Variants in HIVEP3 observed in about 807,000 individuals in gnomAD.
HIVEP3 encodes HIVEP zinc finger 3.
In HIVEP3, 49 loss-of-function variants were observed where a neutral mutation model predicts 152.8. The ratio of observed to expected loss-of-function variants is 0.32; its 90% CI spans 0.26 to 0.41. HIVEP3 has a LOEUF of 0.41. HIVEP3 is among the 10% of genes least tolerant of loss of function. The pLI, the probability that HIVEP3 is intolerant of heterozygous loss-of-function variation, is 1.00. For missense variants in HIVEP3, 2,790 were observed against 3,103.3 expected (o/e 0.90, Z 2.40); for synonymous variants, 1,269 against 1,289.0 (o/e 0.98, Z 0.33).
At chr1:41,571,641 G>T (rs1223321139) in intron 5 of HIVEP3, among the ~76,000 whole-genome samples, 1 of 152,222 alleles carries the variant, frequency 6.6e-6, no homozygotes, top group Non-Finnish European at 1.5e-5. Context: ...TATGACAGAA[G>T]TAACACAAAG....
In HIVEP3 at chr1:41,911,770, T is replaced by C. The variant is rs865811280; in HGVS notation, c.-801+6643A>G. On this transcript the variant is annotated intron_variant, in intron 1 of 8. Coordinates refer to ENST00000372583, the MANE Select transcript of HIVEP3 (RefSeq NM_024503.5). ...TGTGAATGAATCCAGGACGAAACAT[T>C]TAACAACCAGTTGGTACAGAGTCCA... is the stretch of plus-strand genomic sequence containing the variant. Among the ~76,000 whole-genome samples the C allele has an allele frequency of 3.9e-5, 6 of 152,158 alleles. No individual in the cohort carries two copies. The South Asian group carries it at 8.3e-4, about 21-fold the overall frequency.
intron 1 of HIVEP3, among the ~76,000 whole-genome samples, chr1:42,030,968 T>C (rs988904325): frequency 3.9e-5 from 6 of 152,166 alleles, no homozygotes; most frequent in Non-Finnish European, 8.8e-5. Flanking sequence ...AAACCAAGTG[T>C]TCTTCACCAT....
intron 1 of HIVEP3, among the ~76,000 whole-genome samples, chr1:42,016,271 T>C (rs1645522127): frequency 6.6e-6 from 1 of 152,122 alleles, no homozygotes; most frequent in African/African-American, 2.4e-5. Context: ...ACAAACGAAA[T>C]GCAGGGTGCA....
At chr1:41,589,336 C>T (rs77238383) in intron 3 of HIVEP3, among the ~76,000 whole-genome samples, 1 of 152,198 alleles carries the variant, frequency 6.6e-6, no homozygotes, top group Non-Finnish European at 1.5e-5. Flanking sequence ...GCTTCAGCAG[C>T]CAACTGGTTA....
chr1:41,995,765 G>A (rs1488321785), intron 1 of HIVEP3, among the ~76,000 whole-genome samples: 1 of 152,166 alleles, frequency 6.6e-6, no homozygotes, highest in Admixed American at 6.5e-5. Flanking sequence ...GTATTTTGAA[G>A]TAATTTTAGA....
intron 5 of HIVEP3, among the ~76,000 whole-genome samples, chr1:41,545,074 A>ACCTCTACCACCAC (rs1569847734): frequency 2.7e-5 from 2 of 73,302 alleles, no homozygotes; most frequent in Non-Finnish European, 2.8e-5. Context: ...ACCACCACCA[A>ACCTCTACCACCAC]CATCACCACC....
At chr1:41,863,495 C>G (rs1414634926) in intron 1 of HIVEP3, among the ~76,000 whole-genome samples, 3 of 152,162 alleles carry the variant, frequency 2.0e-5, no homozygotes, top group Admixed American at 2.0e-4. Flanking sequence ...ATACCATGTG[C>G]CAGTTCAGGG....
intron 1 of HIVEP3, among the ~76,000 whole-genome samples, chr1:41,881,493 T>A (rs184017225): frequency 1.3e-5 from 2 of 152,384 alleles, no homozygotes; most frequent in African/African-American, 4.8e-5. Context: ...ATATGCTGAT[T>A]AGTCAAATTT....
At chr1:41,631,061 A>T (rs1330191699) in intron 2 of HIVEP3, among the ~76,000 whole-genome samples, 1 of 152,214 alleles carries the variant, frequency 6.6e-6, no homozygotes, top group Non-Finnish European at 1.5e-5. Context: ...TGTTGTAAGG[A>T]TCAAATAAGG....
At chr1:41,938,313 T>C (rs533025394) in intron 1 of HIVEP3, among the ~76,000 whole-genome samples, 2 of 152,298 alleles carry the variant, frequency 1.3e-5, no homozygotes, top group Non-Finnish European at 2.9e-5. Flanking sequence ...TACCATACCG[T>C]GCATCAATGC....
intron 5 of HIVEP3, among the ~76,000 whole-genome samples, chr1:41,560,778 C>A (rs138259948): frequency 3.9e-5 from 6 of 152,314 alleles, no homozygotes; most frequent in African/African-American, 1.4e-4. Context: ...CCTCTGAGGC[C>A]AGAGCACCCT....
At chr1:41,691,106 T>C (rs1368308483) in intron 2 of HIVEP3, among the ~76,000 whole-genome samples, 2 of 152,192 alleles carry the variant, frequency 1.3e-5, no homozygotes, top group Admixed American at 1.3e-4. Context: ...AAGACTCCAT[T>C]ACATGAATTA....
chr1:41,609,560 AC>A (rs1476765728), intron 3 of HIVEP3, among the ~76,000 whole-genome samples: 1 of 152,192 alleles, frequency 6.6e-6, no homozygotes, highest in Non-Finnish European at 1.5e-5. Context: ...AAAGGGTTCC[AC>A]CCCATCCTCT....
Position 41,510,668 on chromosome 1 carries a change from G to T in HIVEP3, c.7004C>A (p.Pro2335Gln). 1 of 1,524,738 alleles carries T rather than the reference G, an allele frequency of 6.6e-7. No individual in the cohort carries two copies. 94.5% of individuals were successfully genotyped at this position (1,524,738 alleles called of 1,614,324 possible). A position where few individuals can be genotyped will look rare whatever the true frequency, so the allele number is the denominator to read the frequency against. The change falls in exon 9 of 9, where the codon CCG (proline) becomes CAG (glutamine). Residue 2335 changes from proline to glutamine, a missense_variant. Transcript: ENST00000372583. ...AQSWSPRLES[P>Q]RAPTNPEPSA... Reference sequence around the variant, plus strand: ...AGGCTCGGGGTTGGTCGGTGCACGCGGGGACTCCAAGCGGGGGCTCCAGGA... The same window carrying T: ...AGGCTCGGGGTTGGTCGGTGCACGCTGGGACTCCAAGCGGGGGCTCCAGGA...
intron 1 of HIVEP3, among the ~76,000 whole-genome samples, chr1:41,836,626 A>T (rs994556706): frequency 3.9e-5 from 6 of 152,198 alleles, no homozygotes; most frequent in Non-Finnish European, 7.4e-5. Context: ...CTCCAAACTT[A>T]CTGGGTCTCA....
intron 1 of HIVEP3, among the ~76,000 whole-genome samples, chr1:41,718,791 C>CGT (rs1398271778): frequency 4.7e-5 from 7 of 148,958 alleles, no homozygotes; most frequent in African/African-American, 1.8e-4. Context: ...CACACACACA[C>CGT]ACACACGTGC....
chr1:41,513,079 G>C lies in HIVEP3; in HGVS notation c.6142C>G (p.Arg2048Gly), dbSNP rs201418815. Residue 2048 changes from arginine to glycine, a missense_variant, in exon 8 of 9, where the codon CGA (arginine) becomes GGA (glycine). Around this residue, in one of 9 missense-constraint regions of HIVEP3, gnomAD observed 816 missense variants for 806.5 expected, o/e 1.01. Coordinates refer to ENST00000372583, the MANE Select transcript of HIVEP3 (RefSeq NM_024503.5). ...TCGAGTTTGGAGAGCACATGTGCTCGAGGGGCCAGTTCTCTTCCCAGGGGG... is the reference window on the plus strand; with the variant it reads ...TCGAGTTTGGAGAGCACATGTGCTCCAGGGGCCAGTTCTCTTCCCAGGGGG... ...LCPLGRELAPRAHVLSKLEGT... is the reference protein window; with the variant it reads ...LCPLGRELAPGAHVLSKLEGT... 45 of 1,613,830 alleles carry C rather than the reference G, an allele frequency of 2.8e-5. No homozygotes were observed. The highest frequency in any genetic ancestry group is 4.0e-5 in the African/African-American group (3 of 74,938).
chr1:41,825,615 A>G (rs917823825), intron 1 of HIVEP3, among the ~76,000 whole-genome samples: 3 of 151,744 alleles, frequency 2.0e-5, no homozygotes, highest in African/African-American at 7.3e-5. Context: ...CTCACTATAT[A>G]TATTTTTTGA....
chr1:41,838,843 G>A (rs1014840910), intron 1 of HIVEP3, among the ~76,000 whole-genome samples: 2 of 152,114 alleles, frequency 1.3e-5, no homozygotes, highest in African/African-American at 4.8e-5. Flanking sequence ...GATTACCTAC[G>A]AATCTCAGTC....
Sources: gnomAD v4.1 joint callset for allele counts (sites outside exome capture counted in the v4.1 genomes callset) on GRCh38, gnomAD v4.1.1 for gene constraint, gnomAD v4.1.1 regional missense constraint, MANE v1.5 for transcripts, NCBI Gene and HGNC (gene_info 2026-07-23, HGNC 2026-07-21) for gene names.